The following NXPE2 variants were observed in gnomAD, a reference collection of about 807,000 sequenced individuals.
NXPE2 encodes the protein neurexophilin and PC-esterase domain family member 2.
Under a neutral mutation model 34.4 loss-of-function variants are expected in NXPE2, and 34 were observed. The observed-to-expected ratio is 0.99, with a 90% CI of 0.75 to 1.31. The LOEUF is 1.31. Ranked by LOEUF, NXPE2 falls within the 40% of genes most tolerant of loss-of-function variation. The pLI is 0.00. For synonymous variants in NXPE2, 235 were observed against 231.3 expected (o/e 1.02, Z -0.15); for missense variants, 649 against 672.5 (o/e 0.97, Z 0.39).
intron 3 of NXPE2, among the ~76,000 whole-genome samples, chr11:114,703,010 A>G (rs1221874571): frequency 6.6e-6 from 1 of 152,204 alleles, no homozygotes; most frequent in Non-Finnish European, 1.5e-5. Flanking sequence ...ATTTGGCTGG[A>G]CATAGTCACC....
chr11:114,584,263 T>C, the NXPE2 span: 1 of 493,864 alleles, frequency 2.0e-6, no homozygotes, highest in African/African-American at 2.0e-5. Context: ...CTTTGAATAC[T>C]TTGGACCATA....
chr11:114,520,685 T>C, the NXPE2 span, among the ~76,000 whole-genome samples: 2 of 152,204 alleles, frequency 1.3e-5, no homozygotes, highest in Non-Finnish European at 2.9e-5. Flanking sequence ...TGCCATACTG[T>C]TTTCCATAAT....
the NXPE2 span, among the ~76,000 whole-genome samples, chr11:114,749,300 C>T: frequency 6.6e-6 from 1 of 152,150 alleles, no homozygotes; most frequent in Non-Finnish European, 1.5e-5. Context: ...TATATACATA[C>T]ACACACATAC....
chr11:114,657,611 A>G, the NXPE2 span, among the ~76,000 whole-genome samples: 35 of 152,166 alleles, frequency 2.3e-4, no homozygotes, highest in Non-Finnish European at 4.1e-4. Context: ...ATATATCATA[A>G]TAAAAATACT....
the NXPE2 span, among the ~76,000 whole-genome samples, chr11:114,775,675 G>T: frequency 6.6e-6 from 1 of 152,086 alleles, no homozygotes; most frequent in Non-Finnish European, 1.5e-5. Flanking sequence ...TCCTGTGGGG[G>T]TTTTCCCCTC....
the NXPE2 span, among the ~76,000 whole-genome samples, chr11:114,658,971 A>G: frequency 2.6e-5 from 4 of 152,270 alleles, no homozygotes; most frequent in African/African-American, 9.6e-5. Context: ...ATTGACACAC[A>G]AGGAAGGACA....
chr11:114,729,213 C>G, the NXPE2 span, among the ~76,000 whole-genome samples: 7 of 152,132 alleles, frequency 4.6e-5, no homozygotes, highest in East Asian at 5.8e-4. Flanking sequence ...GTAATGGCCT[C>G]CAGCTGCATT....
the NXPE2 span, among the ~76,000 whole-genome samples, chr11:114,611,736 G>A: frequency 2.2e-5 from 3 of 137,086 alleles, no homozygotes; most frequent in Non-Finnish European, 4.8e-5. Flanking sequence ...ACCATTGTTA[G>A]CCAGTTGATA....
the NXPE2 span, chr11:114,522,065 G>C: frequency 6.2e-7 from 1 of 1,613,728 alleles, no homozygotes; most frequent in Non-Finnish European, 8.5e-7. Flanking sequence ...CATGTCCCAG[G>C]CATCAATGAT....
the NXPE2 span, among the ~76,000 whole-genome samples, chr11:114,772,086 T>C: frequency 6.6e-6 from 1 of 152,308 alleles, no homozygotes; most frequent in Middle Eastern, 3.4e-3. Flanking sequence ...AAACGGACGC[T>C]TTGTGTGGCT....
chr11:114,560,326 A>G, the NXPE2 span, among the ~76,000 whole-genome samples: 1 of 144,934 alleles, frequency 6.9e-6, no homozygotes, highest in Non-Finnish European at 1.5e-5. Flanking sequence ...GCTGGAGTGC[A>G]GTGGCGTGAT....
At chr11:114,525,327 A>G in the NXPE2 span, among the ~76,000 whole-genome samples, 1 of 152,002 alleles carries the variant, frequency 6.6e-6, no homozygotes, top group Non-Finnish European at 1.5e-5. Flanking sequence ...TCCCCCAAAG[A>G]TATCCACATC....
At chr11:114,531,277 A>G in the NXPE2 span, among the ~76,000 whole-genome samples, 1 of 152,290 alleles carries the variant, frequency 6.6e-6, no homozygotes, top group Non-Finnish European at 1.5e-5. Context: ...TAAACTGGTG[A>G]TGATAAGTTT....
At chr11:114,773,735 G>T in the NXPE2 span, among the ~76,000 whole-genome samples, 1 of 152,354 alleles carries the variant, frequency 6.6e-6, no homozygotes, top group African/African-American at 2.4e-5. Flanking sequence ...CAGTGGGGGT[G>T]AGGATTATCC....
At chr11:114,641,416 T>A in the NXPE2 span, among the ~76,000 whole-genome samples, 4 of 152,048 alleles carry the variant, frequency 2.6e-5, no homozygotes, top group South Asian at 8.3e-4. Flanking sequence ...AAATTCATCA[T>A]TTAAATGTAA....
the NXPE2 span, among the ~76,000 whole-genome samples, chr11:114,731,718 C>A: frequency 2.6e-5 from 4 of 152,148 alleles, no homozygotes; most frequent in Non-Finnish European, 4.4e-5. Flanking sequence ...GTGGTGGATA[C>A]ATAAATCAGT....
chr11:114,716,272 G>T, the NXPE2 span, among the ~76,000 whole-genome samples: 2 of 152,094 alleles, frequency 1.3e-5, no homozygotes, highest in Non-Finnish European at 2.9e-5. Flanking sequence ...CTGGCAGCTT[G>T]TTTCTCCCTT....
the NXPE2 span, among the ~76,000 whole-genome samples, chr11:114,601,583 A>T: frequency 1.1e-5 from 1 of 88,074 alleles, no homozygotes; most frequent in African/African-American, 4.9e-5. Flanking sequence ...ATAATTATAT[A>T]TTATATATAT....
chr11:114,540,323 C>G, the NXPE2 span, among the ~76,000 whole-genome samples: 1 of 152,158 alleles, frequency 6.6e-6, no homozygotes, highest in Non-Finnish European at 1.5e-5. Context: ...GAAATACATG[C>G]AATTCTCAGA....
Sources: gnomAD v4.1 joint callset for allele counts (sites outside exome capture counted in the v4.1 genomes callset) on GRCh38, gnomAD v4.1.1 for gene constraint, MANE v1.5 for transcripts, NCBI Gene and HGNC (gene_info 2026-07-23, HGNC 2026-07-21) for gene names.